The following CSMD1 variants were observed in gnomAD, a reference collection of about 807,000 sequenced individuals.
CSMD1 encodes CUB and sushi domain-containing protein 1.
CSMD1 carries 213 observed loss-of-function variants against 417.5 expected under a neutral mutation model. The observed-to-expected ratio is 0.51, with a 90% CI of 0.46 to 0.57. The LOEUF is 0.57. Among genes scored for constraint, CSMD1 ranks in the 20% least tolerant of loss-of-function variants. CSMD1 has a pLI of 0.00. For synonymous variants in CSMD1, 2,862 were observed against 1,736.8 expected (o/e 1.65, Z -16.11); for missense variants, 6,923 against 4,529.7 (o/e 1.53, Z -15.17).
At chr8:3,740,296 G>C (rs896390506) in intron 6 of CSMD1, among the ~76,000 whole-genome samples, 5 of 152,172 alleles carry the variant, frequency 3.3e-5, no homozygotes, top group Middle Eastern at 3.4e-3. Flanking sequence ...AGTACAGATG[G>C]GGTTTGACCA....
intron 3 of CSMD1, among the ~76,000 whole-genome samples, chr8:4,091,310 A>G (rs1455275692): frequency 6.6e-6 from 1 of 152,208 alleles, no homozygotes; most frequent in Admixed American, 6.5e-5. Context: ...TTCTGATTCA[A>G]TAAATATTTT....
intron 41 of CSMD1, among the ~76,000 whole-genome samples, chr8:3,142,127 G>C (rs1585459980): frequency 6.6e-6 from 1 of 152,122 alleles, no homozygotes; most frequent in Non-Finnish European, 1.5e-5. Context: ...TTGAATCCCT[G>C]AATGCTGGGG....
At chr8:4,578,081 C>T (rs964724902) in intron 2 of CSMD1, among the ~76,000 whole-genome samples, 1 of 152,104 alleles carries the variant, frequency 6.6e-6, no homozygotes, top group Admixed American at 6.6e-5. Context: ...CAAGTGCACC[C>T]GAGTTAGCTC....
rs34200940 is a variant in CSMD1 at position 3,586,318 on chromosome 8, GAA to G, written c.1098-60_1098-59del. The G allele has an allele frequency of 6.3e-3, 7,573 of 1,200,072 alleles. 1 individual carries two copies. The highest frequency in any genetic ancestry group is 9.8e-3 in the South Asian group (555 of 56,870). 74.3% of individuals were successfully genotyped at this position (1,200,072 alleles called of 1,614,324 possible). A position where few individuals can be genotyped will look rare whatever the true frequency, so the allele number is the denominator to read the frequency against. The stretch of plus-strand genomic sequence containing the variant: ...AATTATTTACAGAAGACTTCTTTAG[GAA>G]AAAAAAAAAAATCAGCAAAATGGCT... On this transcript the variant is annotated intron_variant, in intron 8 of 69. Transcript: ENST00000635120.
At chr8:4,957,189 T>C (rs564049670) in intron 1 of CSMD1, among the ~76,000 whole-genome samples, 66 of 152,346 alleles carry the variant, frequency 4.3e-4, no homozygotes, top group Middle Eastern at 3.4e-3. Context: ...CACTGACCTG[T>C]AGACCTAAAG....
At chr8:3,622,234 C>A (rs903486747) in intron 7 of CSMD1, among the ~76,000 whole-genome samples, 1 of 152,166 alleles carries the variant, frequency 6.6e-6, no homozygotes, top group Non-Finnish European at 1.5e-5. Context: ...ATTCTTTCTG[C>A]CATCACAGGC....
At chr8:3,561,100 C>T (rs1314185798) in intron 10 of CSMD1, among the ~76,000 whole-genome samples, 1 of 152,278 alleles carries the variant, frequency 6.6e-6, no homozygotes, top group African/African-American at 2.4e-5. Flanking sequence ...GAGATGCCAC[C>T]TCACACCAGT....
At chr8:4,989,004 C>G (rs1642296715) in intron 1 of CSMD1, among the ~76,000 whole-genome samples, 2 of 152,204 alleles carry the variant, frequency 1.3e-5, no homozygotes, top group Non-Finnish European at 2.9e-5. Context: ...ACTGGTTAAT[C>G]AAAGGTCACT....
chr8:3,861,757 C>T (rs117296815), intron 5 of CSMD1, among the ~76,000 whole-genome samples: 5,725 of 152,214 alleles, frequency 0.038, 109 homozygotes, highest in Middle Eastern at 0.068. Context: ...AAGAAATATC[C>T]TAACTTTTCT....
At chr8:3,871,185 G>A (rs920227646) in intron 5 of CSMD1, among the ~76,000 whole-genome samples, 2 of 151,856 alleles carry the variant, frequency 1.3e-5, no homozygotes, top group Admixed American at 1.3e-4. Flanking sequence ...ATGCAAATGT[G>A]CAAATATTTT....
intron 26 of CSMD1, among the ~76,000 whole-genome samples, chr8:3,231,526 C>A (rs747685508): frequency 3.3e-5 from 5 of 151,924 alleles, no homozygotes; most frequent in Non-Finnish European, 5.9e-5. Flanking sequence ...CATATGTCTA[C>A]ATATGGATAG....
intron 8 of CSMD1, among the ~76,000 whole-genome samples, chr8:3,594,239 G>A (rs529182635): frequency 6.6e-6 from 1 of 152,224 alleles, no homozygotes; most frequent in South Asian, 2.1e-4. Context: ...CCGTATTAAT[G>A]AGCTGCTAGT....
intron 21 of CSMD1, 86 bp downstream of exon 21, chr8:3,359,066 C>G: frequency 7.5e-7 from 1 of 1,325,784 alleles, no homozygotes; most frequent in Non-Finnish European, 1.1e-6. Context: ...AACAAACCCC[C>G]ACCCGACCCC....
chr8:3,765,509 T>G (rs537526285), intron 5 of CSMD1, among the ~76,000 whole-genome samples: 1 of 152,342 alleles, frequency 6.6e-6, no homozygotes, highest in South Asian at 2.1e-4. Flanking sequence ...AGGGCATTGG[T>G]GCTAACTCAG....
At chr8:4,291,432 G>T (rs1051383073) in intron 3 of CSMD1, among the ~76,000 whole-genome samples, 2 of 151,940 alleles carry the variant, frequency 1.3e-5, no homozygotes, top group African/African-American at 4.8e-5. Context: ...TCCAAAGCAT[G>T]GTAGAATTTG....
intron 4 of CSMD1, among the ~76,000 whole-genome samples, chr8:4,028,752 G>A (rs544812791): frequency 1.3e-5 from 2 of 152,264 alleles, no homozygotes; most frequent in South Asian, 2.1e-4. Flanking sequence ...ATTAGTGCTT[G>A]TTGTGAGAGT....
intron 5 of CSMD1, among the ~76,000 whole-genome samples, chr8:3,885,004 G>A (rs908275733): frequency 6.6e-6 from 1 of 151,068 alleles, no homozygotes; most frequent in Non-Finnish European, 1.5e-5. Flanking sequence ...CCTATCAAAT[G>A]AGTAAGCTCT....
At chr8:4,601,684 C>T (rs1214538635) in intron 2 of CSMD1, among the ~76,000 whole-genome samples, 2 of 152,164 alleles carry the variant, frequency 1.3e-5, no homozygotes, top group Admixed American at 1.3e-4. Context: ...CCTCATCATG[C>T]AATGAGGGGA....
chr8:3,124,010 G>A (rs1050216202), intron 41 of CSMD1, among the ~76,000 whole-genome samples: 6 of 152,098 alleles, frequency 3.9e-5, no homozygotes, highest in East Asian at 3.9e-4. Context: ...GAAAAACACC[G>A]AAATAGGACA....
Sources: gnomAD v4.1 joint callset for allele counts (sites outside exome capture counted in the v4.1 genomes callset) on GRCh38, gnomAD v4.1.1 for gene constraint, MANE v1.5 for transcripts, NCBI Gene and HGNC (gene_info 2026-07-23, HGNC 2026-07-21) for gene names.